PTPRG: variants seen among roughly 807,000 people sequenced by gnomAD.
The protein encoded by PTPRG is receptor-type tyrosine-protein phosphatase gamma.
A neutral mutation model predicts 165.3 loss-of-function variants in PTPRG; 102 were observed. That is an observed-to-expected ratio of 0.62 (90% CI 0.53 to 0.73). The LOEUF (loss-of-function observed/expected upper bound fraction) is 0.73, where lower values mean the gene tolerates loss of function less well. Ranked by LOEUF, PTPRG falls within the 30% of genes least tolerant of loss-of-function variation. The probability of loss-of-function intolerance (pLI) is 0.00; values close to 1 mark genes in which losing one functional copy is unlikely to be tolerated. For synonymous variants in PTPRG, 675 were observed against 669.5 expected, an observed-to-expected ratio of 1.01 and a Z score of -0.13; for missense variants, 1,866 against 1,861.4, an observed-to-expected ratio of 1.00 and a Z score of -0.05.
At chr3:62,028,682 A>G (rs1239482835) in intron 4 of PTPRG, among the ~76,000 whole-genome samples, 1 of 152,258 alleles carries the variant, frequency 6.6e-6, no homozygotes, top group Non-Finnish European at 1.5e-5. Context: ...CACTCAAGTC[A>G]GCCTAAACAT....
chr3:62,060,642 T>TCTG (rs1553711291), intron 4 of PTPRG, among the ~76,000 whole-genome samples: 9 of 152,184 alleles, frequency 5.9e-5, no homozygotes, highest in African/African-American at 1.4e-4. Context: ...TTAGTCTTTC[T>TCTG]TTGTTGTTGT....
intron 1 of PTPRG, chr3:61,739,255 A>T: frequency 6.6e-6 from 1 of 152,144 alleles, no homozygotes; most frequent in East Asian, 1.9e-4. Context: ...CAATAACCAA[A>T]GTTTGTGTAG....
intron 13 of PTPRG, among the ~76,000 whole-genome samples, chr3:62,230,637 A>G (rs1405875887): frequency 6.6e-6 from 1 of 152,246 alleles, no homozygotes; most frequent in Non-Finnish European, 1.5e-5. Context: ...GACTTAATAT[A>G]TAGTAATAAC....
intron 1 of PTPRG, among the ~76,000 whole-genome samples, chr3:61,729,461 A>G (rs2032403089): frequency 6.6e-6 from 1 of 152,230 alleles, no homozygotes; most frequent in African/African-American, 2.4e-5. Context: ...AGGTTACTCA[A>G]CAATAAAGGT....
intron 2 of PTPRG, among the ~76,000 whole-genome samples, chr3:61,825,224 C>G (rs2036072101): frequency 6.6e-6 from 1 of 152,184 alleles, no homozygotes; most frequent in South Asian, 2.1e-4. Flanking sequence ...TGTCTCAACA[C>G]TTTTAGGGAT....
chr3:61,624,488 G>A (rs1458780552), intron 1 of PTPRG, among the ~76,000 whole-genome samples: 1 of 152,162 alleles, frequency 6.6e-6, no homozygotes, highest in African/African-American at 2.4e-5. Context: ...TAGATGTGGT[G>A]GTTTGAGCCA....
intron 2 of PTPRG, among the ~76,000 whole-genome samples, chr3:61,861,260 ATTG>A (rs1189180482): frequency 2.0e-5 from 3 of 152,112 alleles, no homozygotes; most frequent in Non-Finnish European, 4.4e-5. Flanking sequence ...GTTTGCTATG[ATTG>A]TTGTTCTCCA....
chr3:62,023,052 A>G (rs760861285), intron 4 of PTPRG, among the ~76,000 whole-genome samples: 15 of 152,118 alleles, frequency 9.9e-5, no homozygotes, highest in Non-Finnish European at 2.2e-4. Context: ...TTTGACCTCA[A>G]AAGGCTGCAG....
rs1237973838 is a variant in PTPRG at position 61,600,198 on chromosome 3, G to C, written c.85+37826G>C. On this transcript the variant is annotated intron_variant, in intron 1 of 29. Transcript: ENST00000474889. The stretch of plus-strand genomic sequence containing the variant: ...AATATATATATATATATATATGTGT[G>C]TGTGTGTGTGTGTGTGTGTAAAATA... Among the ~76,000 whole-genome samples, 3 of 149,206 alleles carry C rather than the reference G, an allele frequency of 2.0e-5. No individual in the cohort carries two copies. The Admixed American group carries it at 2.0e-4, about 10-fold the overall frequency.
intron 2 of PTPRG, among the ~76,000 whole-genome samples, chr3:61,790,653 C>G (rs1048504801): frequency 6.6e-6 from 1 of 152,024 alleles, no homozygotes; most frequent in African/African-American, 2.4e-5. Flanking sequence ...TTTACTTTAC[C>G]CTTGGTTTCA....
At chr3:62,041,243 G>A (rs1700118595) in intron 4 of PTPRG, among the ~76,000 whole-genome samples, 1 of 151,794 alleles carries the variant, frequency 6.6e-6, no homozygotes, top group South Asian at 2.1e-4. Context: ...ATTCTTTGCA[G>A]CCATGCTTCA....
chr3:61,880,801 C>T (rs138851973), intron 2 of PTPRG, among the ~76,000 whole-genome samples: 22 of 152,090 alleles, frequency 1.4e-4, no homozygotes, highest in Non-Finnish European at 2.6e-4. Context: ...AATATTTGTC[C>T]TATGGACCAC....
In PTPRG at chr3:61,851,184, A is replaced by G. The variant is rs548135543; in HGVS notation, c.190+102202A>G. Among the ~76,000 whole-genome samples the G allele has an allele frequency of 2.6e-5, 4 of 152,332 alleles. No homozygotes were observed. The East Asian group carries it at 7.7e-4, about 29-fold the overall frequency. On this transcript the variant is annotated intron_variant, in intron 2 of 29. Coordinates refer to ENST00000474889, the MANE Select transcript of PTPRG (RefSeq NM_002841.4). ...GGCTGCTATGGCTTAGTTTAAGCAA[A>G]GATGGACTTTGTTGGAGAAAGGGGA... is the stretch of plus-strand genomic sequence containing the variant.
At chr3:61,945,898 C>A (rs2039748265) in intron 2 of PTPRG, among the ~76,000 whole-genome samples, 2 of 152,184 alleles carry the variant, frequency 1.3e-5, no homozygotes, top group Admixed American at 6.5e-5. Context: ...AAACGAAACA[C>A]AGAGACGTGA....
intron 2 of PTPRG, among the ~76,000 whole-genome samples, chr3:61,951,619 C>T (rs1040068001): frequency 4.6e-5 from 7 of 152,116 alleles, no homozygotes; most frequent in African/African-American, 1.7e-4. Flanking sequence ...TGTGTATTTC[C>T]AGCGCTTGTT....
chr3:61,619,246 ATGGGCTTGACAGTC>A (rs1227722268), intron 1 of PTPRG, among the ~76,000 whole-genome samples: 1 of 152,102 alleles, frequency 6.6e-6, no homozygotes, highest in Non-Finnish European at 1.5e-5. Flanking sequence ...TCCAAAAAGG[ATGGGCTTGACAGTC>A]TGGGCTTTTA....
At chr3:61,835,494 T>A (rs573721482) in intron 2 of PTPRG, among the ~76,000 whole-genome samples, 2 of 152,024 alleles carry the variant, frequency 1.3e-5, no homozygotes, top group African/African-American at 4.8e-5. Flanking sequence ...CCACCACACC[T>A]GGCTAATTTT....
At chr3:61,820,597 GTC>G (rs2035921197) in intron 2 of PTPRG, among the ~76,000 whole-genome samples, 1 of 115,350 alleles carries the variant, frequency 8.7e-6, no homozygotes. Context: ...TTGTTCCTGT[GTC>G]TCTGTTTTTT....
intron 6 of PTPRG, among the ~76,000 whole-genome samples, chr3:62,146,955 T>G (rs1704144955): frequency 6.6e-6 from 1 of 152,218 alleles, no homozygotes. Context: ...ACCTACTTTA[T>G]AAAGTGCTAC....
Sources: gnomAD v4.1 joint callset for allele counts (sites outside exome capture counted in the v4.1 genomes callset) on GRCh38, gnomAD v4.1.1 for gene constraint, MANE v1.5 for transcripts, NCBI Gene and HGNC (gene_info 2026-07-23, HGNC 2026-07-21) for gene names.